The following CLTCL1 variants were observed in gnomAD, a reference collection of about 807,000 sequenced individuals.
CLTCL1 encodes clathrin heavy chain like 1, also known as clathrin heavy chain 2.
Under a neutral mutation model 190.0 loss-of-function variants are expected in CLTCL1, and 159 were observed. That is an observed-to-expected ratio of 0.84 (90% CI 0.74 to 0.95). The LOEUF (loss-of-function observed/expected upper bound fraction) is 0.95, where lower values mean the gene tolerates loss of function less well. Among genes scored for constraint, CLTCL1 ranks in the 40% least tolerant of loss-of-function variants. The pLI is 0.00. For missense variants in CLTCL1, 1,878 were observed against 2,033.4 expected, an observed-to-expected ratio of 0.92 and a Z score of 1.47; for synonymous variants, 752 against 769.6, an observed-to-expected ratio of 0.98 and a Z score of 0.38.
chr22:19,183,701 A>G (rs888659238), intron 29 of CLTCL1, 90 bp from the exon 30 acceptor site: 1 of 1,277,692 alleles, frequency 7.8e-7, no homozygotes, highest in Non-Finnish European at 1.1e-6. Context: ...GAGTGGCACT[A>G]GACTCCACCA....
intron 12 of CLTCL1, 77 bp from the exon 13 acceptor site, chr22:19,225,710 T>A: frequency 7.7e-7 from 1 of 1,296,058 alleles, no homozygotes; most frequent in Non-Finnish European, 1.1e-6. Flanking sequence ...AACTAGGTCA[T>A]TCTCCTGTTC....
At chr22:19,233,793 A>C (rs898050353) in intron 7 of CLTCL1, among the ~76,000 whole-genome samples, 171 bp from the exon 8 acceptor site, 1 of 152,196 alleles carries the variant, frequency 6.6e-6, no homozygotes, top group Non-Finnish European at 1.5e-5. Context: ...AATAACCATA[A>C]GTATAGGGGA....
intron 2 of CLTCL1, chr22:19,258,291 C>A: frequency 2.7e-6 from 1 of 369,648 alleles, no homozygotes; most frequent in Non-Finnish European, 5.2e-6. Context: ...ATATGACAAG[C>A]TGACTCAGAA....
intron 10 of CLTCL1, among the ~76,000 whole-genome samples, chr22:19,232,227 C>T (rs2085938529): frequency 6.6e-6 from 1 of 152,074 alleles, no homozygotes; most frequent in Non-Finnish European, 1.5e-5. Context: ...ACACCCTACA[C>T]CATCACCACC....
chr22:19,186,658 T>C (rs1033457600), intron 29 of CLTCL1, among the ~76,000 whole-genome samples: 10 of 151,838 alleles, frequency 6.6e-5, no homozygotes, highest in African/African-American at 2.2e-4. Flanking sequence ...TGGAATGGAG[T>C]GGCGTGATCT....
intron 1 of CLTCL1, among the ~76,000 whole-genome samples, chr22:19,288,102 C>T (rs577931401): frequency 3.9e-4 from 60 of 152,274 alleles, no homozygotes; most frequent in African/African-American, 1.3e-3. Flanking sequence ...AGCATATCCA[C>T]GCTGTAGACA....
chr22:19,262,988 G>A (rs918951247), intron 2 of CLTCL1, among the ~76,000 whole-genome samples: 4 of 141,216 alleles, frequency 2.8e-5, no homozygotes, highest in Non-Finnish European at 6.1e-5. Context: ...TTGAGATAAC[G>A]CCACTGCACT....
chr22:19,199,833 A>G lies in CLTCL1; in HGVS notation c.3774T>C (p.Phe1258=). 6.3e-7 allele frequency: 1 copy of G among 1,592,754 alleles called. No homozygotes were observed. The highest frequency in any genetic ancestry group is 8.5e-7 in the Non-Finnish European group (1 of 1,169,992). Residue 1258 remains phenylalanine (F), a synonymous_variant, in exon 24 of 33, where the codon TTT becomes TTC. Coordinates refer to ENST00000427926, the MANE Select transcript of CLTCL1 (RefSeq NM_007098.4). ...GGAACTCTTGTCCATCCATGCAGGC[A>G]AAGCACACCTAGGGGACGGAGGGCA... ...SSTRTWKEVC[F]ACMDGQEFRF...
chr22:19,278,835 G>A (rs1373296161), intron 1 of CLTCL1, among the ~76,000 whole-genome samples: 3 of 152,104 alleles, frequency 2.0e-5, no homozygotes, highest in South Asian at 4.1e-4. Context: ...TCCACCTCCC[G>A]GGTTCAAGCG....
intron 11 of CLTCL1, among the ~76,000 whole-genome samples, chr22:19,229,019 G>A (rs2085840295): frequency 1.3e-5 from 2 of 152,222 alleles, no homozygotes; most frequent in African/African-American, 2.4e-5. Context: ...CTGGAATACA[G>A]TATGGTGGTT....
chr22:19,290,982 C>CG (rs1376403146), intron 1 of CLTCL1, among the ~76,000 whole-genome samples: 1 of 152,234 alleles, frequency 6.6e-6, no homozygotes, highest in Non-Finnish European at 1.5e-5. Context: ...GCCCGCACGA[C>CG]GCCCGACCTG....
rs572579874 is a variant in CLTCL1, at chr22:19,210,307, C to T, written c.3249+19G>A. ...GGCAGAAGGTGCTAGGTCCGACATG[C>T]TTACACTCAGCAGCCCACCTGGATT... On this transcript the variant is annotated intron_variant, in intron 20 of 32. Transcript: ENST00000427926. 10 of 1,611,224 alleles carry T rather than the reference C, an allele frequency of 6.2e-6. No individual in the cohort carries two copies. In the East Asian group the frequency reaches 2.2e-4, roughly 36 times the overall value.
chr22:19,251,163 T>C (rs1555969802), intron 3 of CLTCL1, among the ~76,000 whole-genome samples: 1 of 143,420 alleles, frequency 7.0e-6, no homozygotes, highest in African/African-American at 2.7e-5. Flanking sequence ...TGTTTTGTAG[T>C]TTTCAGAATG....
At chr22:19,217,413 G>A (rs535697357) in intron 18 of CLTCL1, among the ~76,000 whole-genome samples, 9 of 152,080 alleles carry the variant, frequency 5.9e-5, no homozygotes, top group African/African-American at 1.2e-4. Flanking sequence ...TCAGGAGATC[G>A]AGACCATCCT....
intron 3 of CLTCL1, among the ~76,000 whole-genome samples, chr22:19,253,700 A>G (rs1227446775): frequency 2.0e-5 from 3 of 148,672 alleles, no homozygotes; most frequent in African/African-American, 7.3e-5. Flanking sequence ...TATACCTATA[A>G]CCAACTTTTT....
At position 19,221,628 on chromosome 22, in the gene CLTCL1, G is replaced by A. The variant is rs2085573036; in HGVS notation, c.2562-17C>T. On this transcript the variant is annotated splice_polypyrimidine_tract_variant and intron_variant, in intron 16 of 32. Coordinates refer to ENST00000427926, the MANE Select transcript of CLTCL1 (RefSeq NM_007098.4). The stretch of plus-strand genomic sequence containing the variant: ...AGCTTGAGCCTTTGAAAGAAGGAAG[G>A]TGCTGTAAAGTCTCAAGGCTACCAC... 2 of 1,554,738 alleles carry A rather than the reference G, an allele frequency of 1.3e-6. No homozygotes were observed. Among genetic ancestry groups the A allele is most frequent in the East Asian group, 2.4e-5 (1 of 41,870 alleles).
chr22:19,210,289 G>GTA, intron 20 of CLTCL1, 37 bp downstream of exon 20: 1 of 1,595,942 alleles, frequency 6.3e-7, no homozygotes, highest in Non-Finnish European at 8.6e-7. Context: ...TGTGGCAGAA[G>GTA]GTGCTAGGTC....
intron 1 of CLTCL1, among the ~76,000 whole-genome samples, chr22:19,283,179 G>C (rs1484972150): frequency 1.4e-5 from 2 of 145,378 alleles, no homozygotes; most frequent in East Asian, 2.0e-4. Flanking sequence ...GCCCAGGTTT[G>C]TTTTTTTTTT....
rs563773335 is a variant in CLTCL1 at position 19,196,397 on chromosome 22, G to A, written c.4060C>T (p.Gln1354Ter). The change falls in exon 26 of 33, where the codon CAG (glutamine) becomes TAG (stop). Residue 1354 changes from glutamine (Q) to a stop codon, truncating the protein, a stop_gained. Transcript: ENST00000427926. LOFTEE classifies it high-confidence loss of function. ...ACCAGCTCAGCCCACAGGTGTGCCT[G>A]CTCTGCAGCCCTCAGCACCTGGACA... is the stretch of plus-strand genomic sequence containing the variant. ...NIPKVLRAAE[Q>*]AHLWAELVFL... 1 of 1,614,074 alleles carries A rather than the reference G, an allele frequency of 6.2e-7. No homozygotes were observed. The highest frequency in any genetic ancestry group is 1.6e-4 in the Middle Eastern group (1 of 6,062).
Sources: allele counts gnomAD v4.1 joint callset (sites outside exome capture counted in the v4.1 genomes callset), GRCh38; gene constraint gnomAD v4.1.1; transcripts MANE v1.5; gene names NCBI Gene and HGNC (gene_info 2026-07-23, HGNC 2026-07-21).